ATPSCKMT: variants seen among roughly 807,000 people sequenced by gnomAD.
ATPSCKMT encodes the protein ATP synthase c subunit lysine N-methyltransferase.
ATPSCKMT carries 24 observed loss-of-function variants against 24.3 expected under a neutral mutation model. The observed-to-expected ratio is 0.99, with a 90% CI of 0.71 to 1.39. The LOEUF (loss-of-function observed/expected upper bound fraction) is 1.39, where lower values mean the gene tolerates loss of function less well. Among genes scored for constraint, ATPSCKMT ranks in the 40% most tolerant of loss-of-function variants. The probability of loss-of-function intolerance (pLI) is 0.00; values close to 1 mark genes in which losing one functional copy is unlikely to be tolerated. For synonymous variants in ATPSCKMT, 95 were observed against 110.5 expected (o/e 0.86, Z 0.88); for missense variants, 311 against 298.4 (o/e 1.04, Z -0.31).
At position 10,227,454 on chromosome 5, in the gene ATPSCKMT, G is replaced by C. The variant is rs202053869; in HGVS notation, c.689C>G (p.Pro230Arg). Residue 230 changes from proline (P) to arginine (R), a missense_variant, in exon 5 of 5, where the codon CCC becomes CGC. Transcript: ENST00000511437. ...RPCTSMHFQLPIQA is the reference protein window; with the variant it reads ...RPCTSMHFQLRIQA ...TCCCAGTCAAGTTTATGCTTGAATG[G>C]GCAGCTGGAAATGCATCGATGTACA... 3.1e-5 allele frequency: 50 copies of C among 1,613,894 alleles called. No homozygotes were observed. The African/African-American group carries it at 6.7e-4, about 22-fold the overall frequency.
rs1028476681 is a variant in ATPSCKMT at position 10,225,784 on chromosome 5, A to G, written c.*1657T>C. Among the ~76,000 whole-genome samples the G allele has an allele frequency of 2.0e-5, 3 of 151,952 alleles. No homozygotes were observed. The highest frequency in any genetic ancestry group is 4.4e-5 in the Non-Finnish European group (3 of 67,980). ...ACCATATCAATGCCTCTATAAACCC[A>G]CCAGGAACACTTCTAGAAAATGTTG... On this transcript the variant is annotated 3_prime_UTR_variant, in exon 5 of 5. Coordinates refer to ENST00000511437, the MANE Select transcript of ATPSCKMT (RefSeq NM_199133.4).
intron 1 of ATPSCKMT, among the ~76,000 whole-genome samples, chr5:10,244,075 TTG>T (rs1261173460): frequency 6.6e-6 from 1 of 152,168 alleles, no homozygotes; most frequent in Non-Finnish European, 1.5e-5. Flanking sequence ...TTCAATGTTG[TTG>T]TGTCTCAGGA....
chr5:10,247,593 C>T (rs922486865), intron 1 of ATPSCKMT, among the ~76,000 whole-genome samples: 16 of 152,326 alleles, frequency 1.1e-4, no homozygotes, highest in Middle Eastern at 3.4e-3. Flanking sequence ...AATTCTCTCG[C>T]CTCAGCCTCC....
chr5:10,236,600 T>C lies in ATPSCKMT; in HGVS notation c.322A>G (p.Lys108Glu). The change falls in exon 3 of 5, where the codon AAG (lysine) becomes GAG (glutamate). Residue 108 changes from lysine (K) to glutamate (E), a missense_variant. Coordinates refer to ENST00000511437, the MANE Select transcript of ATPSCKMT (RefSeq NM_199133.4). Reference protein sequence around the residue: ...GDGRIVIAAAKKGFTAVGYEL... With the variant: ...GDGRIVIAAAEKGFTAVGYEL... ...TAACCAACTGCTGTGAACCCTTTCTTCGCAGCCGCTATGACCTGTGGAGAG... is the reference window on the plus strand; with the variant it reads ...TAACCAACTGCTGTGAACCCTTTCTCCGCAGCCGCTATGACCTGTGGAGAG... 1 of 1,614,182 alleles carries C rather than the reference T, an allele frequency of 6.2e-7. No homozygotes were observed. The highest frequency in any genetic ancestry group is 1.3e-5 in the African/African-American group (1 of 75,058).
At chr5:10,238,208 C>A (rs772022910) in intron 2 of ATPSCKMT, among the ~76,000 whole-genome samples, 7 of 152,188 alleles carry the variant, frequency 4.6e-5, no homozygotes, top group Non-Finnish European at 5.9e-5. Context: ...ATATGCTTCA[C>A]ACCCCGAACC....
intron 4 of ATPSCKMT, among the ~76,000 whole-genome samples, chr5:10,232,920 A>G (rs574665711): frequency 1.2e-4 from 19 of 152,266 alleles, no homozygotes; most frequent in African/African-American, 3.1e-4. Context: ...GCGTAAGCTC[A>G]TGTTAAACAT....
At chr5:10,237,375 T>C (rs953262842) in intron 2 of ATPSCKMT, among the ~76,000 whole-genome samples, 4 of 152,206 alleles carry the variant, frequency 2.6e-5, no homozygotes, top group African/African-American at 9.6e-5. Context: ...TTCAAAACTT[T>C]CTCCTTGATT....
intron 1 of ATPSCKMT, among the ~76,000 whole-genome samples, chr5:10,239,890 A>G (rs1349870366): frequency 6.6e-6 from 1 of 152,174 alleles, no homozygotes; most frequent in Non-Finnish European, 1.5e-5. Flanking sequence ...AATATCTTAA[A>G]TAAGTATGGT....
intron 4 of ATPSCKMT, among the ~76,000 whole-genome samples, chr5:10,229,236 G>A (rs572797868): frequency 6.6e-6 from 1 of 152,200 alleles, no homozygotes; most frequent in Admixed American, 6.5e-5. Context: ...TTTGCATTTA[G>A]CCATAACATT....
At chr5:10,231,112 C>A (rs767221309) in intron 4 of ATPSCKMT, among the ~76,000 whole-genome samples, 1 of 152,066 alleles carries the variant, frequency 6.6e-6, no homozygotes, top group Non-Finnish European at 1.5e-5. Flanking sequence ...CAACTCCAAG[C>A]GTGTGGCAGG....
chr5:10,241,224 TA>T (rs1443789971), intron 1 of ATPSCKMT, among the ~76,000 whole-genome samples: 1 of 152,254 alleles, frequency 6.6e-6, no homozygotes, highest in East Asian at 1.9e-4. Context: ...GGCTCCCTCT[TA>T]ATTTATAGGA....
intron 4 of ATPSCKMT, 76 bp from the exon 5 acceptor site, chr5:10,227,723 A>G: frequency 1.4e-6 from 2 of 1,422,800 alleles, no homozygotes; most frequent in South Asian, 2.4e-5. Flanking sequence ...TGTTTTTAAG[A>G]GTCCCTGAAA....
intron 4 of ATPSCKMT, among the ~76,000 whole-genome samples, 184 bp downstream of exon 4, chr5:10,235,027 G>C (rs1374717219): frequency 6.6e-6 from 1 of 152,214 alleles, no homozygotes; most frequent in Non-Finnish European, 1.5e-5. Flanking sequence ...AAGTATGACT[G>C]AATCTTTTAT....
At chr5:10,247,706 C>A (rs1437445918) in intron 1 of ATPSCKMT, among the ~76,000 whole-genome samples, 1 of 152,146 alleles carries the variant, frequency 6.6e-6, no homozygotes, top group Non-Finnish European at 1.5e-5. Context: ...ATCCTTCTAA[C>A]GGAACATGTT....
At chr5:10,249,836 C>A (rs1238997451) in intron 1 of ATPSCKMT, 22 bp downstream of exon 1, 20 of 1,566,448 alleles carry the variant, frequency 1.3e-5, no homozygotes, top group East Asian at 4.5e-5. Context: ...CCCAGGAACC[C>A]GCCAAGCCGC....
At chr5:10,245,708 C>T (rs546522022) in intron 1 of ATPSCKMT, among the ~76,000 whole-genome samples, 1 of 150,424 alleles carries the variant, frequency 6.6e-6, no homozygotes, top group African/African-American at 2.5e-5. Flanking sequence ...GATCACACCA[C>T]TGTACTCCAA....
At position 10,235,225 on chromosome 5, in the gene ATPSCKMT, C is replaced by G. The variant is rs200314121; in HGVS notation, c.481G>C (p.Gly161Arg). ...TGCATACTCACCATCTGAGGCACAC[C>G]GAAAATAACAACGTTCGAGTACTGC... ...FSQYSNVVIF[G>R]VPQMMLQLEK... is the part of the protein sequence containing the mutation. The change falls in exon 4 of 5, where the codon GGT becomes CGT. Residue 161 changes from glycine to arginine, a missense_variant. Coordinates refer to ENST00000511437, the MANE Select transcript of ATPSCKMT (RefSeq NM_199133.4). 5.9e-5 allele frequency: 95 copies of G among 1,613,580 alleles called. No individual in the cohort carries two copies. In the East Asian group the frequency reaches 1.8e-3, roughly 31 times the overall value.
chr5:10,236,821 T>A, intron 2 of ATPSCKMT: 1 of 1,478,630 alleles, frequency 6.8e-7, no homozygotes, highest in South Asian at 1.3e-5. Flanking sequence ...GTTTCCTTGA[T>A]TGGTTAAAGA....
chr5:10,230,702 A>G (rs1053605263), intron 4 of ATPSCKMT, among the ~76,000 whole-genome samples: 1 of 152,152 alleles, frequency 6.6e-6, no homozygotes, highest in Admixed American at 6.5e-5. Flanking sequence ...TCTGAAAGGT[A>G]TAAGATAACC....
Sources: gnomAD v4.1 joint callset for allele counts (sites outside exome capture counted in the v4.1 genomes callset) on GRCh38, gnomAD v4.1.1 for gene constraint, MANE v1.5 for transcripts, NCBI Gene and HGNC (gene_info 2026-07-23, HGNC 2026-07-21) for gene names.